The following KIF19 variants were observed in gnomAD, a reference collection of about 807,000 sequenced individuals.
The protein encoded by KIF19 is kinesin family member 19, also known as kinesin-like protein KIF19.
KIF19 carries 98 observed loss-of-function variants against 106.6 expected under a neutral mutation model. The ratio of observed to expected loss-of-function variants is 0.92; its 90% CI spans 0.78 to 1.09. The LOEUF is 1.09. KIF19 is among the 50% of genes least tolerant of loss of function. The pLI is 0.00. For missense variants in KIF19, 1,373 were observed against 1,414.3 expected (o/e 0.97, Z 0.47); for synonymous variants, 516 against 584.2 (o/e 0.88, Z 1.68).
chr17:74,351,210 C>T (rs938404488), intron 12 of KIF19: 14 of 395,126 alleles, frequency 3.5e-5, no homozygotes, highest in South Asian at 3.2e-4. Context: ...AGGCTGGGCA[C>T]AGTGACTCAC....
At position 74,355,619 on chromosome 17, in the gene KIF19, C is replaced by T. The variant is rs571294089; in HGVS notation, c.*307C>T. 35 of 264,170 alleles carry T rather than the reference C, an allele frequency of 1.3e-4. No homozygotes were observed. In the Middle Eastern group the frequency reaches 3.3e-3, roughly 25 times the overall value. The allele number at this position is 264,170 out of a possible 1,614,324, so 16.4% of individuals were successfully genotyped here. On this transcript the variant is annotated 3_prime_UTR_variant, in exon 20 of 20. Coordinates refer to ENST00000389916, the MANE Select transcript of KIF19 (RefSeq NM_153209.4). Reference sequence around the variant, plus strand: ...CTGAGGCCAGCCTCGGCCTTGGTAACGGAGGAAAGCAGCTGACAGTGAGAC... The same window carrying T: ...CTGAGGCCAGCCTCGGCCTTGGTAATGGAGGAAAGCAGCTGACAGTGAGAC...
chr17:74,349,387 G>T, intron 10 of KIF19, 38 bp downstream of exon 10: 2 of 1,543,192 alleles, frequency 1.3e-6, no homozygotes, highest in Non-Finnish European at 1.7e-6. Flanking sequence ...AGCCCCCTCC[G>T]GCCAGCCTCA....
intron 8 of KIF19, among the ~76,000 whole-genome samples, chr17:74,347,513 G>C (rs1454361710): frequency 6.7e-6 from 1 of 148,514 alleles, no homozygotes; most frequent in Non-Finnish European, 1.5e-5. Context: ...CTCCAGCCTG[G>C]ATGACAGATC....
chr17:74,333,882 G>A (rs1486956457), intron 2 of KIF19, among the ~76,000 whole-genome samples: 1 of 127,280 alleles, frequency 7.9e-6, no homozygotes, highest in African/African-American at 3.0e-5. Flanking sequence ...TTTTGAGATG[G>A]GGGTCTCACT....
rs780929526 is a variant in KIF19, at chr17:74,347,837, G to A, written c.985G>A (p.Ala329Thr). 2 of 1,586,678 alleles carry A rather than the reference G, an allele frequency of 1.3e-6. No homozygotes were observed. The highest frequency in any genetic ancestry group is 3.6e-5 in the Admixed American group (2 of 55,972). ...MIAHISPASS[A>T]FEESRNTLTY... ...CGCTCACATCAGTCCTGCGAGCAGTGCCTTCGAGGAGTCCCGGAACACCCT... is the reference window on the plus strand; with the variant it reads ...CGCTCACATCAGTCCTGCGAGCAGTACCTTCGAGGAGTCCCGGAACACCCT... Residue 329 changes from alanine (A) to threonine (T), a missense_variant, in exon 9 of 20, where the codon GCC (alanine) becomes ACC (threonine). Transcript: ENST00000389916.
chr17:74,351,783 A>G, intron 12 of KIF19, 84 bp from the exon 13 acceptor site: 1 of 1,337,566 alleles, frequency 7.5e-7, no homozygotes, highest in Non-Finnish European at 9.6e-7. Flanking sequence ...CCTGGAGTCC[A>G]GGCGCTGGAG....
chr17:74,338,257 T>C (rs1218052228), intron 2 of KIF19, among the ~76,000 whole-genome samples: 1 of 152,208 alleles, frequency 6.6e-6, no homozygotes, highest in Non-Finnish European at 1.5e-5. Context: ...TTGCATCCCA[T>C]GGGGACCCAT....
chr17:74,338,897 G>T (rs2054286026), intron 2 of KIF19, among the ~76,000 whole-genome samples: 1 of 151,874 alleles, frequency 6.6e-6, no homozygotes, highest in African/African-American at 2.4e-5. Context: ...CCCCAGAGCG[G>T]CCACCCCTCA....
chr17:74,353,607 C>T, intron 17 of KIF19, 26 bp downstream of exon 17: 1 of 1,573,154 alleles, frequency 6.4e-7, no homozygotes. Context: ...GCTGCCCGGC[C>T]ACCTCACCTG....
intron 2 of KIF19, among the ~76,000 whole-genome samples, chr17:74,336,171 A>C (rs2144219982): frequency 6.6e-6 from 1 of 152,170 alleles, no homozygotes; most frequent in South Asian, 2.1e-4. Context: ...TGGGTTCAAG[A>C]GATTCTCATG....
At position 74,331,731 on chromosome 17, in the gene KIF19, C is replaced by T. The variant is rs951476417; in HGVS notation, c.120+3226C>T. 3.3e-5 allele frequency among the ~76,000 whole-genome samples: 5 copies of T among 151,992 alleles called. No homozygotes were observed. Among genetic ancestry groups the T allele is most frequent in the East Asian group, 1.9e-4 (1 of 5,176 alleles). On this transcript the variant is annotated intron_variant, in intron 2 of 19. Coordinates refer to ENST00000389916, the MANE Select transcript of KIF19 (RefSeq NM_153209.4). The surrounding 1 kb of genome is among the most constrained non-coding windows in gnomAD (Gnocchi z 4.1). ...AGCTGGGATTACGGGCGCGCGCCAC[C>T]GTGCCCAGCTAATTTTTGTAATTTT...
intron 9 of KIF19, 71 bp downstream of exon 9, chr17:74,347,970 T>A: frequency 6.6e-7 from 1 of 1,512,570 alleles, no homozygotes; most frequent in Non-Finnish European, 8.9e-7. Flanking sequence ...GGCTGATCCC[T>A]GCCACCCCAC....
In KIF19 at chr17:74,349,321, G is replaced by A. The variant is rs768361392; in HGVS notation, c.1185G>A (p.Gln395=). Residue 395 remains glutamine (Q), a synonymous_variant, in exon 10 of 20, where the codon CAG becomes CAA. Transcript: ENST00000389916. ...GGCGGGGCCAGGCCCGGGGCCGGCA[G>A]GATCGGGGTGACATCCGCCACATCC... ...QTGRGQARGR[Q]DRGDIRHIQA... 10 of 1,606,594 alleles carry A rather than the reference G, an allele frequency of 6.2e-6. No homozygotes were observed. Among genetic ancestry groups the A allele is most frequent in the Non-Finnish European group, 7.6e-6 (9 of 1,176,764 alleles).
Position 74,352,122 on chromosome 17 carries a change from CG to C in KIF19, c.1845del (p.Gln616ArgfsTer59). 6.3e-7 allele frequency: 1 copy of C among 1,582,130 alleles called. No individual in the cohort carries two copies. The highest frequency in any genetic ancestry group is 1.1e-5 in the South Asian group (1 of 88,048). ...SLCDEIIQGQ[R>X]QIIDDYNLAV... ...CTGCGACGAGATTATCCAGGGCCAG[CG>C]GCAGATCATCGACGGTAGGGCCCAC... On this transcript the variant is annotated frameshift_variant, in exon 13 of 20. Coordinates refer to ENST00000389916, the MANE Select transcript of KIF19 (RefSeq NM_153209.4). LOFTEE classifies it high-confidence loss of function.
chr17:74,332,852 T>C (rs1343873210), intron 2 of KIF19, among the ~76,000 whole-genome samples: 2 of 152,252 alleles, frequency 1.3e-5, no homozygotes, highest in African/African-American at 2.4e-5. Context: ...AGCCCTGCCA[T>C]GTCCTGGTCG....
chr17:74,353,610 C>A, intron 17 of KIF19, 29 bp downstream of exon 17: 1 of 1,554,618 alleles, frequency 6.4e-7, no homozygotes, highest in Non-Finnish European at 8.9e-7. Flanking sequence ...GCCCGGCCAC[C>A]TCACCTGGCC....
chr17:74,336,986 C>T (rs2003404), intron 2 of KIF19, among the ~76,000 whole-genome samples: 64,543 of 151,872 alleles, frequency 0.42, 13,929 homozygotes, highest in Non-Finnish European at 0.48. Context: ...CCACCATGCC[C>T]GGCTAGTTTT....
chr17:74,339,596 C>T (rs1006723885), intron 2 of KIF19, among the ~76,000 whole-genome samples: 96 of 148,854 alleles, frequency 6.4e-4, no homozygotes, highest in Middle Eastern at 3.5e-3. Context: ...AAAGAGGGGA[C>T]GCATGAGATG....
intron 5 of KIF19, among the ~76,000 whole-genome samples, chr17:74,343,435 T>G (rs1174961423): frequency 1.3e-5 from 2 of 152,152 alleles, no homozygotes; most frequent in Admixed American, 1.3e-4. Flanking sequence ...ACAGGCCCAT[T>G]CCTTAGAGCA....
Sources: gnomAD v4.1 joint callset for allele counts (sites outside exome capture counted in the v4.1 genomes callset) on GRCh38, gnomAD v4.1.1 for gene constraint, Gnocchi (gnomAD v3.1) non-coding constraint, MANE v1.5 for transcripts, NCBI Gene and HGNC (gene_info 2026-07-23, HGNC 2026-07-21) for gene names.